The following UBL7 variants were observed in gnomAD, a reference collection of about 807,000 sequenced individuals.
The protein encoded by UBL7 is ubiquitin-like protein 7.
Under a neutral mutation model 41.7 loss-of-function variants are expected in UBL7, and 21 were observed. The ratio of observed to expected loss-of-function variants is 0.50; its 90% CI spans 0.36 to 0.73. UBL7 has a LOEUF of 0.73. Ranked by LOEUF, UBL7 falls within the 30% of genes least tolerant of loss-of-function variation. The pLI is 0.00. For missense variants in UBL7, 403 were observed against 478.4 expected (o/e 0.84, Z 1.47); for synonymous variants, 157 against 186.9 (o/e 0.84, Z 1.31).
chr15:74,453,124 C>A (rs2061265173), intron 3 of UBL7, among the ~76,000 whole-genome samples: 1 of 152,206 alleles, frequency 6.6e-6, no homozygotes, highest in African/African-American at 2.4e-5. Context: ...AGGTGAATAG[C>A]ACCCCTGGGG....
chr15:74,449,772 A>G (rs1014399923), intron 7 of UBL7, 97 bp from the exon 8 acceptor site: 1 of 1,569,168 alleles, frequency 6.4e-7, no homozygotes, highest in Non-Finnish European at 8.7e-7. Flanking sequence ...TCATATTTTC[A>G]TCTCTCCCCT....
At chr15:74,449,805 A>G in intron 7 of UBL7, 130 bp from the exon 8 acceptor site, 2 of 1,534,218 alleles carry the variant, frequency 1.3e-6, no homozygotes. Flanking sequence ...GGACAGATGC[A>G]CTTCCTGACT....
intron 4 of UBL7, 126 bp from the exon 5 acceptor site, chr15:74,451,646 G>T: frequency 1.6e-6 from 1 of 631,174 alleles, no homozygotes; most frequent in Non-Finnish European, 2.8e-6. Context: ...TGGAACAATA[G>T]CCCCAGAAAC....
chr15:74,453,001 C>A (rs943873772), intron 3 of UBL7, among the ~76,000 whole-genome samples: 1 of 152,268 alleles, frequency 6.6e-6, no homozygotes, highest in Admixed American at 6.5e-5. Context: ...CGTGAGCCAC[C>A]GTGCCCAGCC....
chr15:74,459,570 G>T (rs1251637560), intron 1 of UBL7, among the ~76,000 whole-genome samples: 1 of 151,416 alleles, frequency 6.6e-6, no homozygotes, highest in Admixed American at 6.6e-5. Flanking sequence ...ACCTGCCTCG[G>T]CCTCCCAAAG....
intron 4 of UBL7, among the ~76,000 whole-genome samples, chr15:74,451,760 T>A (rs2061248592): frequency 6.6e-6 from 1 of 151,392 alleles, no homozygotes; most frequent in Admixed American, 6.6e-5. Context: ...ATCTCTGTGC[T>A]CCTTTTCCCC....
At chr15:74,448,365 G>A (rs572000304) in intron 10 of UBL7, 113 bp downstream of exon 10, 1 of 1,505,556 alleles carries the variant, frequency 6.6e-7, no homozygotes, top group Non-Finnish European at 9.1e-7. Flanking sequence ...TGCTCCAGCT[G>A]TTCCTAGAAT....
chr15:74,460,989 A>G (rs1041035339), intron 1 of UBL7, 48 bp downstream of exon 1: 1 of 1,108,820 alleles, frequency 9.0e-7, no homozygotes, highest in Admixed American at 4.9e-5. Context: ...GCCCAAGGTC[A>G]CAGATCGCTA....
intron 1 of UBL7, chr15:74,460,742 C>G: frequency 7.8e-7 from 1 of 1,286,836 alleles, no homozygotes. Context: ...AAGATAAGTT[C>G]TTGTTATAGT....
intron 2 of UBL7, 29 bp downstream of exon 2, chr15:74,458,655 C>T: frequency 1.9e-6 from 3 of 1,590,650 alleles, no homozygotes; most frequent in Non-Finnish European, 2.6e-6. Flanking sequence ...ATCAGAGCAG[C>T]AGCCCAACCC....
chr15:74,458,659 C>G, intron 2 of UBL7, 25 bp downstream of exon 2: 3 of 1,599,076 alleles, frequency 1.9e-6, no homozygotes, highest in Non-Finnish European at 2.6e-6. Context: ...GAGCAGCAGC[C>G]CAACCCCAGT....
chr15:74,452,579 A>G (rs1358308657), intron 3 of UBL7, among the ~76,000 whole-genome samples: 1 of 152,240 alleles, frequency 6.6e-6, no homozygotes, highest in East Asian at 1.9e-4. Context: ...GCATCTTTAC[A>G]TTCACTTGTA....
At chr15:74,456,229 C>A (rs1056023472) in intron 3 of UBL7, among the ~76,000 whole-genome samples, 1 of 151,836 alleles carries the variant, frequency 6.6e-6, no homozygotes, top group African/African-American at 2.4e-5. Context: ...ACCTGGGAGG[C>A]GGAGGTTGCA....
chr15:74,445,977 GA>G lies in UBL7; in HGVS notation c.*112del, dbSNP rs1261039063. 7.0e-7 allele frequency: 1 copy of G among 1,424,434 alleles called. No homozygotes were observed. Among genetic ancestry groups the G allele is most frequent in the African/African-American group, 1.4e-5 (1 of 70,146 alleles). 88.2% of individuals were successfully genotyped at this position (1,424,434 alleles called of 1,614,324 possible). On this transcript the variant is annotated 3_prime_UTR_variant, in exon 11 of 11. Transcript: ENST00000395081. ...AAAGGTCAAGAACTGGACAAAGCAG[GA>G]GAGTTGACCATCAGGTATATTGGGG...
At chr15:74,449,482 AG>A (rs1386084060) in intron 8 of UBL7, 129 bp from the exon 9 acceptor site, 34 of 1,538,626 alleles carry the variant, frequency 2.2e-5, no homozygotes, top group Non-Finnish European at 2.9e-5. Flanking sequence ...ATCCAAAAGC[AG>A]AAATAGTATG....
At chr15:74,448,698 A>G in intron 9 of UBL7, 98 bp from the exon 10 acceptor site, 1 of 1,506,346 alleles carries the variant, frequency 6.6e-7, no homozygotes, top group Non-Finnish European at 9.0e-7. Context: ...CTCCTGAGGT[A>G]CCCAACTTCT....
chr15:74,451,363 T>C, intron 5 of UBL7, 73 bp downstream of exon 5: 1 of 1,322,874 alleles, frequency 7.6e-7, no homozygotes, highest in Non-Finnish European at 1.1e-6. Context: ...CAAGTCTCTT[T>C]AGAGGAATTG....
At chr15:74,457,861 C>A (rs757685849) in intron 2 of UBL7, among the ~76,000 whole-genome samples, 9 of 152,032 alleles carry the variant, frequency 5.9e-5, no homozygotes, top group Non-Finnish European at 1.3e-4. Context: ...TGAACCCAAT[C>A]CAGGTATGAC....
chr15:74,454,396 G>A (rs1198257158), intron 3 of UBL7, among the ~76,000 whole-genome samples: 1 of 151,434 alleles, frequency 6.6e-6, no homozygotes, highest in Admixed American at 6.6e-5. Context: ...GAGGATATTA[G>A]AAAGGACTTT....
Sources: gnomAD v4.1 joint callset for allele counts (sites outside exome capture counted in the v4.1 genomes callset) on GRCh38, gnomAD v4.1.1 for gene constraint, MANE v1.5 for transcripts, NCBI Gene and HGNC (gene_info 2026-07-23, HGNC 2026-07-21) for gene names.